RCHY1: variants seen among roughly 807,000 people sequenced by gnomAD.
RCHY1 encodes the protein ring finger and CHY zinc finger domain containing 1.
RCHY1 carries 21 observed loss-of-function variants against 41.6 expected under a neutral mutation model. That is an observed-to-expected ratio of 0.51 (90% CI 0.36 to 0.73). The LOEUF is 0.73. Among genes scored for constraint, RCHY1 ranks in the 30% least tolerant of loss-of-function variants. The pLI is 0.00. For synonymous variants in RCHY1, 79 were observed against 102.9 expected (o/e 0.77, Z 1.41); for missense variants, 265 against 325.3 (o/e 0.81, Z 1.43).
At chr4:75,490,039 CT>C (rs1185843119) in intron 8 of RCHY1, among the ~76,000 whole-genome samples, 1 of 152,098 alleles carries the variant, frequency 6.6e-6, no homozygotes, top group Non-Finnish European at 1.5e-5. Flanking sequence ...CAAGACTTCT[CT>C]GTAATTATGA....
At chr4:75,506,079 C>CTAGGAGCA (rs1291459612) in intron 3 of RCHY1, among the ~76,000 whole-genome samples, 1 of 137,100 alleles carries the variant, frequency 7.3e-6, no homozygotes, top group East Asian at 2.1e-4. Context: ...GGACTATGTC[C>CTAGGAGCA]TAGGAGCATA....
rs894404982 is a variant in RCHY1, at chr4:75,479,929, TGA to T, written c.*2607_*2608del. On this transcript the variant is annotated 3_prime_UTR_variant, in exon 9 of 9. Coordinates refer to ENST00000324439, the MANE Select transcript of RCHY1 (RefSeq NM_015436.4). ...AGTTCTCTCTGAAAGAAGGGATTGT[TGA>T]GAGTTTTTTACCTTCTTTCTTATAG... 7 of 152,148 alleles carry T rather than the reference TGA, an allele frequency of 4.6e-5. No homozygotes were observed. Among genetic ancestry groups the T allele is most frequent in the East Asian group, 1.9e-4 (1 of 5,194 alleles). The allele number at this position is 152,148 out of a possible 1,614,324, so 9.4% of individuals were successfully genotyped here.
chr4:75,510,842 T>A (rs969986555), intron 1 of RCHY1, among the ~76,000 whole-genome samples: 3 of 152,216 alleles, frequency 2.0e-5, no homozygotes, highest in Non-Finnish European at 4.4e-5. Context: ...AACTATATTT[T>A]TCCCCCCAAA....
At position 75,508,874 on chromosome 4, in the gene RCHY1, T is replaced by C. The variant is rs1467124124; in HGVS notation, c.272A>G (p.His91Arg). Residue 91 changes from histidine (H) to arginine (R), a missense_variant, in exon 3 of 9, where the codon CAT becomes CGT. His to Arg is a conservative substitution (Grantham distance 29). Coordinates refer to ENST00000324439, the MANE Select transcript of RCHY1 (RefSeq NM_015436.4). ...CTGCTTCTTATCTTTGTCAAACAAA[T>C]GGCATATATCGCAATAATATTCTCC... ...LFGEYYCDICHLFDKDKKQYH... is the reference protein window; with the variant it reads ...LFGEYYCDICRLFDKDKKQYH... 12 of 1,611,886 alleles carry C rather than the reference T, an allele frequency of 7.4e-6. 1 individual carries two copies. The Admixed American group carries it at 2.0e-4, about 27-fold the overall frequency.
chr4:75,489,374 C>G (rs755995129), intron 8 of RCHY1, among the ~76,000 whole-genome samples: 2 of 152,152 alleles, frequency 1.3e-5, no homozygotes, highest in Non-Finnish European at 2.9e-5. Context: ...AACTCTATTA[C>G]AGTACCTAAA....
intron 4 of RCHY1, among the ~76,000 whole-genome samples, chr4:75,493,008 T>TA (rs1722888390): frequency 6.6e-6 from 1 of 152,008 alleles, no homozygotes; most frequent in African/African-American, 2.4e-5. Context: ...TGATGGAATG[T>TA]AAATGCTGAG....
chr4:75,496,759 CAAG>C (rs1415751718), intron 3 of RCHY1, among the ~76,000 whole-genome samples: 1 of 151,940 alleles, frequency 6.6e-6, no homozygotes, highest in Non-Finnish European at 1.5e-5. Context: ...AAATAAAGCT[CAAG>C]AAGATTTATA....
chr4:75,506,796 T>C (rs1425578716), intron 3 of RCHY1, among the ~76,000 whole-genome samples: 1 of 152,000 alleles, frequency 6.6e-6, no homozygotes, highest in Admixed American at 6.6e-5. Context: ...CAACAAATGC[T>C]ACAAACCCCA....
chr4:75,505,316 G>A (rs145639720), intron 3 of RCHY1, among the ~76,000 whole-genome samples: 262 of 152,202 alleles, frequency 1.7e-3, no homozygotes, highest in African/African-American at 5.8e-3. Flanking sequence ...ACCAGAATCC[G>A]CACCCCAAGC....
At chr4:75,489,926 G>A (rs1308689363) in intron 8 of RCHY1, among the ~76,000 whole-genome samples, 13 of 152,186 alleles carry the variant, frequency 8.5e-5, no homozygotes, top group Admixed American at 6.6e-4. Flanking sequence ...ACTCTTGGAA[G>A]TGGACACCCA....
chr4:75,509,555 A>C, intron 1 of RCHY1: 1 of 342,680 alleles, frequency 2.9e-6, no homozygotes, highest in Non-Finnish European at 5.4e-6. Context: ...GGAAATCCCT[A>C]GATTGAAACA....
At chr4:75,490,265 C>T (rs908119943) in intron 8 of RCHY1, among the ~76,000 whole-genome samples, 8 of 151,976 alleles carry the variant, frequency 5.3e-5, no homozygotes. Flanking sequence ...AAAAGTCCCA[C>T]CAGTGATCCA....
rs201752755 is a variant in RCHY1, at chr4:75,482,611, A to G, written c.713T>C (p.Met238Thr). The change falls in exon 9 of 9, where the codon ATG (methionine) becomes ACG (threonine). Residue 238 changes from methionine to threonine, a missense_variant. Transcript: ENST00000324439. ...RSTVQFHILG[M>T]KCKICESYNT... ...ATAGGATTCACAAATCTTACATTTC[A>G]TGCCTAATATATGAAACTGAACAGT... The G allele has an allele frequency of 1.9e-5, 30 of 1,611,930 alleles. No homozygotes were observed. In the African/African-American group the frequency reaches 3.7e-4, roughly 20 times the overall value.
chr4:75,498,967 A>G (rs1723484597), intron 3 of RCHY1, among the ~76,000 whole-genome samples: 1 of 152,230 alleles, frequency 6.6e-6, no homozygotes. Flanking sequence ...GCTTCTGCAC[A>G]GCACAGGGAA....
At position 75,481,678 on chromosome 4, in the gene RCHY1, C is replaced by A. The variant is rs1376432331; in HGVS notation, c.*860G>T. The A allele has an allele frequency of 6.6e-6, 1 of 152,150 alleles. No individual in the cohort carries two copies. The highest frequency in any genetic ancestry group is 1.5e-5 in the Non-Finnish European group (1 of 68,024). The allele number at this position is 152,150 out of a possible 1,614,324, so 9.4% of individuals were successfully genotyped here. ...ACAATAGAATGTACTGCTGTGAGGA[C>A]AAGGACTTTTATCTTTATTGTTCAC... On this transcript the variant is annotated 3_prime_UTR_variant, in exon 9 of 9. Transcript: ENST00000324439.
At chr4:75,484,305 G>A (rs1019846792) in intron 8 of RCHY1, among the ~76,000 whole-genome samples, 1 of 152,094 alleles carries the variant, frequency 6.6e-6, no homozygotes, top group African/African-American at 2.4e-5. Context: ...TTTGTGTTTT[G>A]AGCTATCCAA....
intron 8 of RCHY1, among the ~76,000 whole-genome samples, chr4:75,486,599 T>A (rs1038468628): frequency 6.6e-6 from 1 of 152,164 alleles, no homozygotes; most frequent in African/African-American, 2.4e-5. Flanking sequence ...GAGTTAAAAC[T>A]GTAGTTAATA....
chr4:75,495,609 C>T (rs1186638206), intron 3 of RCHY1, among the ~76,000 whole-genome samples: 1 of 152,010 alleles, frequency 6.6e-6, no homozygotes, highest in Non-Finnish European at 1.5e-5. Context: ...TTTTAGACTA[C>T]AGAGACAAGA....
chr4:75,504,185 A>G (rs1304879735), intron 3 of RCHY1, among the ~76,000 whole-genome samples: 1 of 152,226 alleles, frequency 6.6e-6, no homozygotes. Flanking sequence ...CCTATTAGAA[A>G]TGTATCTAAA....
Sources: allele counts gnomAD v4.1 joint callset (sites outside exome capture counted in the v4.1 genomes callset), GRCh38; gene constraint gnomAD v4.1.1; transcripts MANE v1.5; gene names NCBI Gene and HGNC (gene_info 2026-07-23, HGNC 2026-07-21).